The following HRH1 variants were observed in gnomAD, a reference collection of about 807,000 sequenced individuals.
HRH1 encodes the protein histamine H1 receptor.
A neutral mutation model predicts 10.3 loss-of-function variants in HRH1; 6 were observed. That is an observed-to-expected ratio of 0.58 (90% confidence interval 0.32 to 1.15). HRH1 has a LOEUF of 1.15. Ranked by LOEUF, HRH1 falls within the 50% of genes most tolerant of loss-of-function variation. The pLI is 0.05. For synonymous variants in HRH1, 242 were observed against 236.7 expected (o/e 1.02, Z -0.21); for missense variants, 514 against 615.3 (o/e 0.84, Z 1.74).
At chr3:11,191,966 A>G (rs1024338274) in intron 1 of HRH1, among the ~76,000 whole-genome samples, 3 of 152,186 alleles carry the variant, frequency 2.0e-5, no homozygotes, top group African/African-American at 7.2e-5. Flanking sequence ...CTTATGGGGA[A>G]AAGAGGCCCA....
intron 1 of HRH1, among the ~76,000 whole-genome samples, chr3:11,197,214 G>T (rs1375247854): frequency 6.6e-6 from 1 of 151,906 alleles, no homozygotes; most frequent in African/African-American, 2.4e-5. Context: ...TGATTCATGA[G>T]CATGTTAAAT....
intron 1 of HRH1, among the ~76,000 whole-genome samples, chr3:11,195,480 C>T (rs983957573): frequency 9.2e-5 from 14 of 152,200 alleles, no homozygotes; most frequent in Non-Finnish European, 1.9e-4. Flanking sequence ...ACTGGAAGTT[C>T]CCTCCACTTC....
chr3:11,188,354 C>T (rs1377406421), intron 1 of HRH1, among the ~76,000 whole-genome samples: 1 of 152,164 alleles, frequency 6.6e-6, no homozygotes, highest in Non-Finnish European at 1.5e-5. Context: ...GTAATCTCAA[C>T]ACCTTGGGAA....
intron 1 of HRH1, among the ~76,000 whole-genome samples, chr3:11,155,201 C>T (rs1936758460): frequency 1.3e-5 from 2 of 152,176 alleles, no homozygotes; most frequent in African/African-American, 4.8e-5. Context: ...CGCCCTTCCC[C>T]TGCAGTTCGG....
At chr3:11,154,222 G>T (rs1199731823), upstream of HRH1, among the ~76,000 whole-genome samples, 2 of 152,088 alleles carry the variant, frequency 1.3e-5, no homozygotes, top group Non-Finnish European at 2.9e-5. This position sits in a 1 kb window ranked among gnomAD's most constrained non-coding sequence, Gnocchi z 4.4. Flanking sequence ...AGTCCGCCTC[G>T]CAGAGCCCGA....
intron 1 of HRH1, among the ~76,000 whole-genome samples, chr3:11,236,115 C>T (rs1360115594): frequency 3.3e-5 from 5 of 152,186 alleles, no homozygotes. Flanking sequence ...AGAGAAAGTA[C>T]CTCTACTCAA....
chr3:11,260,660 G>A lies in HRH1; in HGVS notation c.*159G>A, dbSNP rs200848971. Reference sequence around the variant, plus strand: ...GTTTGGAAAGTTCTTAGGCACCATAGAAGAACAGCAGATGGCGGTGATCAG... The same window carrying A: ...GTTTGGAAAGTTCTTAGGCACCATAAAAGAACAGCAGATGGCGGTGATCAG... On this transcript the variant is annotated 3_prime_UTR_variant, in exon 2 of 2. Transcript: ENST00000431010. 3.0e-6 allele frequency: 2 copies of A among 656,562 alleles called. No individual in the cohort carries two copies. Among genetic ancestry groups the A allele is most frequent in the Non-Finnish European group, 5.4e-6 (2 of 372,326 alleles). The allele number at this position is 656,562 out of a possible 1,614,324, so 40.7% of individuals were successfully genotyped here.
intron 1 of HRH1, among the ~76,000 whole-genome samples, chr3:11,199,869 G>C (rs1937834306): frequency 6.6e-6 from 1 of 152,150 alleles, no homozygotes; most frequent in Non-Finnish European, 1.5e-5. Context: ...CCATTCCCCT[G>C]CCTCCTGGTT....
At chr3:11,159,829 A>G (rs1936889909) in intron 1 of HRH1, among the ~76,000 whole-genome samples, 1 of 152,184 alleles carries the variant, frequency 6.6e-6, no homozygotes, top group African/African-American at 2.4e-5. Flanking sequence ...GATGGATGCT[A>G]ACGTGGAGGG....
chr3:11,144,506 A>T (rs1301880185), intron 1 of HRH1, among the ~76,000 whole-genome samples: 1 of 4,112 alleles, frequency 2.4e-4, no homozygotes, highest in African/African-American at 2.4e-3. Flanking sequence ...CGCCACACAC[A>T]TACATACACA....
chr3:11,156,489 G>A (rs73010395), intron 1 of HRH1, among the ~76,000 whole-genome samples: 147 of 152,286 alleles, frequency 9.7e-4, no homozygotes, highest in Non-Finnish European at 1.2e-3. Flanking sequence ...TCACAATGAA[G>A]GAGTGCCTGG....
chr3:11,173,929 G>T (rs143472350), intron 1 of HRH1, among the ~76,000 whole-genome samples: 1 of 152,122 alleles, frequency 6.6e-6, no homozygotes, highest in Non-Finnish European at 1.5e-5. Context: ...TCCTCTTCCC[G>T]CAAGACTGCC....
chr3:11,198,426 A>G (rs185343238), intron 1 of HRH1, among the ~76,000 whole-genome samples: 36 of 152,334 alleles, frequency 2.4e-4, no homozygotes, highest in African/African-American at 7.2e-4. Context: ...ACAGTAGCAA[A>G]TGAATGACTG....
chr3:11,241,223 T>G (rs1444405180), intron 1 of HRH1, among the ~76,000 whole-genome samples: 1 of 152,166 alleles, frequency 6.6e-6, no homozygotes, highest in Non-Finnish European at 1.5e-5. Flanking sequence ...TAACAAAGAT[T>G]CACCCTGGAT....
chr3:11,147,691 G>A (rs1035017558), intron 1 of HRH1, among the ~76,000 whole-genome samples: 11 of 152,198 alleles, frequency 7.2e-5, no homozygotes, highest in Admixed American at 5.9e-4. Context: ...GTATTAACTC[G>A]TAAGATCCTC....
chr3:11,165,491 A>C (rs1163359804), intron 1 of HRH1, among the ~76,000 whole-genome samples: 3 of 152,118 alleles, frequency 2.0e-5, no homozygotes, highest in Non-Finnish European at 4.4e-5. Context: ...TTACAGGGAA[A>C]ACACACACAC....
chr3:11,151,555 G>C (rs1936625715), upstream of HRH1, among the ~76,000 whole-genome samples: 1 of 152,130 alleles, frequency 6.6e-6, no homozygotes, highest in Non-Finnish European at 1.5e-5. Context: ...CTGAAATGAA[G>C]TGTTCAATCA....
At chr3:11,137,551 G>C (rs1263605133) in intron 1 of HRH1, among the ~76,000 whole-genome samples, 1 of 152,126 alleles carries the variant, frequency 6.6e-6, no homozygotes, top group Non-Finnish European at 1.5e-5. Context: ...ATAGGGAGGA[G>C]TTACTGTGGG....
chr3:11,256,754 G>A (rs771849587), intron 1 of HRH1, among the ~76,000 whole-genome samples: 11 of 152,066 alleles, frequency 7.2e-5, no homozygotes, highest in Non-Finnish European at 1.5e-4. Flanking sequence ...AACCGAGATC[G>A]CGCCATTGCA....
Sources: allele counts gnomAD v4.1 joint callset (sites outside exome capture counted in the v4.1 genomes callset), GRCh38; gene constraint gnomAD v4.1.1; non-coding constraint Gnocchi (gnomAD v3.1); transcripts MANE v1.5; gene names NCBI Gene and HGNC (gene_info 2026-07-23, HGNC 2026-07-21).